LARGE1: variants seen among roughly 807,000 people sequenced by gnomAD.
The protein encoded by LARGE1 is xylosyl- and glucuronyltransferase LARGE1.
In LARGE1, 43 loss-of-function variants were observed where a neutral mutation model predicts 87.6. That is an observed-to-expected ratio of 0.49 (90% CI 0.38 to 0.63). The LOEUF (loss-of-function observed/expected upper bound fraction) is 0.63. Ranked by LOEUF, LARGE1 falls within the 30% of genes least tolerant of loss-of-function variation. LARGE1 has a pLI of 0.00. For synonymous variants in LARGE1, 434 were observed against 394.6 expected (o/e 1.10, Z -1.18); for missense variants, 802 against 1,000.2 (o/e 0.80, Z 2.67).
intron 11 of LARGE1, among the ~76,000 whole-genome samples, chr22:33,203,001 A>C (rs1924473317): frequency 6.6e-6 from 1 of 152,200 alleles, no homozygotes; most frequent in Non-Finnish European, 1.5e-5. Flanking sequence ...TTTAAAAAAT[A>C]AAATTTAAAA....
chr22:33,547,500 C>T (rs1488300794), intron 6 of LARGE1, among the ~76,000 whole-genome samples: 5 of 152,012 alleles, frequency 3.3e-5, no homozygotes. Context: ...CTAGACCATA[C>T]CAGGCTTCTT....
chr22:33,553,890 G>A (rs549065832), intron 6 of LARGE1, among the ~76,000 whole-genome samples: 9 of 152,096 alleles, frequency 5.9e-5, no homozygotes, highest in South Asian at 2.1e-4. Flanking sequence ...GCTCACCTCC[G>A]TGAGAGTCTG....
intron 6 of LARGE1, among the ~76,000 whole-genome samples, chr22:33,509,051 G>T (rs1041947089): frequency 2.0e-5 from 3 of 152,178 alleles, no homozygotes; most frequent in African/African-American, 7.2e-5. Context: ...GAAAAGAACA[G>T]GTATATCAGG....
chr22:33,837,257 T>TACACACACAC (rs3072340), intron 1 of LARGE1, among the ~76,000 whole-genome samples: 4 of 149,638 alleles, frequency 2.7e-5, no homozygotes, highest in African/African-American at 9.9e-5. Flanking sequence ...GTATTACATA[T>TACACACACAC]ACACACACAC....
chr22:33,915,436 T>C (rs2065758295), intron 1 of LARGE1, among the ~76,000 whole-genome samples: 1 of 152,200 alleles, frequency 6.6e-6, no homozygotes, highest in African/African-American at 2.4e-5. Context: ...AAGTGTTTTT[T>C]TTTTCATATT....
At chr22:33,069,274 C>A in the LARGE1 span, among the ~76,000 whole-genome samples, 1 of 152,158 alleles carries the variant, frequency 6.6e-6, no homozygotes, top group Non-Finnish European at 1.5e-5. Flanking sequence ...CAGGCACTCA[C>A]AGCCAGACAG....
chr22:33,760,733 A>C (rs918198477), intron 2 of LARGE1, among the ~76,000 whole-genome samples: 1 of 152,164 alleles, frequency 6.6e-6, no homozygotes, highest in East Asian at 1.9e-4. Context: ...CATCCTGGCC[A>C]ACATGGTGAA....
intron 1 of LARGE1, among the ~76,000 whole-genome samples, chr22:33,773,328 T>A (rs754919005): frequency 2.0e-5 from 3 of 152,188 alleles, no homozygotes; most frequent in African/African-American, 7.2e-5. Context: ...CAAACAAACA[T>A]TGAAAATTTC....
At chr22:33,269,280 C>T (rs1468107249), downstream of LARGE1, among the ~76,000 whole-genome samples, 1 of 152,100 alleles carries the variant, frequency 6.6e-6, no homozygotes, top group Non-Finnish European at 1.5e-5. Context: ...CTTACAGTTT[C>T]AAAAATAAAT....
chr22:33,715,429 C>T (rs1215677788), intron 2 of LARGE1, among the ~76,000 whole-genome samples: 1 of 152,130 alleles, frequency 6.6e-6, no homozygotes, highest in Non-Finnish European at 1.5e-5. Context: ...CTGGGTAACG[C>T]CTGGGTGACT....
chr22:33,693,419 A>G (rs1231901845), intron 2 of LARGE1, among the ~76,000 whole-genome samples: 1 of 152,186 alleles, frequency 6.6e-6, no homozygotes, highest in Non-Finnish European at 1.5e-5. Context: ...AAAAATTAAA[A>G]AGAGGGAGGG....
At chr22:33,282,208 G>A (rs576824843) in intron 13 of LARGE1, among the ~76,000 whole-genome samples, 1 of 152,306 alleles carries the variant, frequency 6.6e-6, no homozygotes, top group African/African-American at 2.4e-5. Flanking sequence ...TGCCGGGCAT[G>A]GTGGCACATG....
chr22:33,872,194 G>A (rs923006168), intron 1 of LARGE1, among the ~76,000 whole-genome samples: 2 of 151,792 alleles, frequency 1.3e-5, no homozygotes, highest in Admixed American at 6.6e-5. Context: ...ATGTGGCGGC[G>A]TGGCTTAGCA....
At chr22:33,653,917 G>T (rs1023625507) in intron 2 of LARGE1, among the ~76,000 whole-genome samples, 7 of 152,116 alleles carry the variant, frequency 4.6e-5, no homozygotes, top group Admixed American at 1.3e-4. Flanking sequence ...GTAAGAACAT[G>T]GAGGAGCAAG....
intron 9 of LARGE1, among the ~76,000 whole-genome samples, chr22:33,351,547 A>G (rs1940377315): frequency 6.6e-6 from 1 of 152,122 alleles, no homozygotes; most frequent in African/African-American, 2.4e-5. Flanking sequence ...AAAATAAATG[A>G]GTATATATAG....
At chr22:33,851,890 G>A (rs1236710613) in intron 1 of LARGE1, among the ~76,000 whole-genome samples, 1 of 152,252 alleles carries the variant, frequency 6.6e-6, no homozygotes, top group Non-Finnish European at 1.5e-5. Flanking sequence ...CGTGTGAGCT[G>A]AGACTGGGGA....
intron 12 of LARGE1, among the ~76,000 whole-genome samples, chr22:33,300,348 C>G (rs553283261): frequency 1.3e-5 from 2 of 152,326 alleles, no homozygotes; most frequent in Admixed American, 1.3e-4. Context: ...GGCTCAGTAA[C>G]TTGTAACTGT....
chr22:33,442,355 C>T (rs2067509443), intron 6 of LARGE1, among the ~76,000 whole-genome samples: 1 of 152,168 alleles, frequency 6.6e-6, no homozygotes, highest in Non-Finnish European at 1.5e-5. Context: ...TTTATCTTTA[C>T]AAAGAGCTTC....
the LARGE1 span, among the ~76,000 whole-genome samples, chr22:33,144,027 G>A: frequency 3.3e-5 from 5 of 152,006 alleles, no homozygotes; most frequent in African/African-American, 7.2e-5. Flanking sequence ...TTGACTATCC[G>A]TATGTTTACT....
Sources: allele counts gnomAD v4.1 joint callset (sites outside exome capture counted in the v4.1 genomes callset), GRCh38; gene constraint gnomAD v4.1.1; transcripts MANE v1.5; gene names NCBI Gene and HGNC (gene_info 2026-07-23, HGNC 2026-07-21).